ILDR1: variants seen among roughly 807,000 people sequenced by gnomAD.
The protein encoded by ILDR1 is immunoglobulin like domain containing receptor 1.
In ILDR1, 56 loss-of-function variants were observed where a neutral mutation model predicts 62.4. The observed-to-expected ratio is 0.90, with a 90% CI of 0.72 to 1.12. The LOEUF (loss-of-function observed/expected upper bound fraction) is 1.12, where lower values mean the gene tolerates loss of function less well. Among genes scored for constraint, ILDR1 ranks in the 50% most tolerant of loss-of-function variants. The pLI, the probability that ILDR1 is intolerant of heterozygous loss-of-function variation, is 0.00. For synonymous variants in ILDR1, 284 were observed against 277.8 expected, an observed-to-expected ratio of 1.02 and a Z score of -0.22; for missense variants, 736 against 710.6, an observed-to-expected ratio of 1.04 and a Z score of -0.41.
At chr3:122,043,341 A>G in the ILDR1 span, among the ~76,000 whole-genome samples, 3 of 149,230 alleles carry the variant, frequency 2.0e-5, no homozygotes, top group Admixed American at 2.0e-4. Context: ...GTTTGAAGTC[A>G]GGTAGTGTGA....
At chr3:122,030,970 C>T in the ILDR1 span, among the ~76,000 whole-genome samples, 12 of 152,188 alleles carry the variant, frequency 7.9e-5, no homozygotes, top group Non-Finnish European at 1.8e-4. Context: ...CTAAATGGAA[C>T]ACTTTCTAAC....
At chr3:121,990,955 A>T (rs1182079091) in intron 7 of ILDR1, among the ~76,000 whole-genome samples, 2 of 152,202 alleles carry the variant, frequency 1.3e-5, no homozygotes, top group Non-Finnish European at 2.9e-5. Flanking sequence ...TAATCCCAGC[A>T]CTTTGGGAGG....
chr3:122,059,535 C>CAAAAAAAAA, the ILDR1 span, among the ~76,000 whole-genome samples: 1 of 67,960 alleles, frequency 1.5e-5, no homozygotes, highest in African/African-American at 6.0e-5. Flanking sequence ...GACTCCGTCT[C>CAAAAAAAAA]AAAAAAAAAA....
chr3:122,018,113 T>A (rs1005572802), intron 1 of ILDR1, among the ~76,000 whole-genome samples: 2 of 152,084 alleles, frequency 1.3e-5, no homozygotes, highest in Non-Finnish European at 2.9e-5. Flanking sequence ...TGCAGCACTA[T>A]TCACAAGAGC....
intron 1 of ILDR1, among the ~76,000 whole-genome samples, chr3:122,017,251 G>A (rs1435384608): frequency 6.6e-6 from 1 of 152,120 alleles, no homozygotes; most frequent in South Asian, 2.1e-4. Context: ...GTTTCGCCAT[G>A]TTGGCCAGGC....
intron 1 of ILDR1, among the ~76,000 whole-genome samples, chr3:122,015,070 G>A (rs1274817191): frequency 2.6e-5 from 4 of 152,234 alleles, no homozygotes; most frequent in African/African-American, 7.2e-5. Flanking sequence ...GCTCCTGGTA[G>A]GAGAGTCAAT....
At chr3:122,053,266 A>C in the ILDR1 span, among the ~76,000 whole-genome samples, 5 of 152,172 alleles carry the variant, frequency 3.3e-5, no homozygotes, top group Non-Finnish European at 5.9e-5. Context: ...TCCTTGAAGA[A>C]ATGTCTGTTC....
At chr3:121,996,388 C>A (rs2071435806) in intron 5 of ILDR1, among the ~76,000 whole-genome samples, 1 of 152,154 alleles carries the variant, frequency 6.6e-6, no homozygotes, top group Admixed American at 6.5e-5. Context: ...GCTGCCACAC[C>A]ATTTTTCCAG....
the ILDR1 span, among the ~76,000 whole-genome samples, chr3:122,028,876 C>G: frequency 6.6e-6 from 1 of 152,138 alleles, no homozygotes; most frequent in African/African-American, 2.4e-5. Context: ...ATCCTAGGAC[C>G]CTGTAATTTC....
At chr3:122,005,215 A>AC in intron 3 of ILDR1, 29 bp downstream of exon 3, 6 of 426,376 alleles carry the variant, frequency 1.4e-5, no homozygotes, top group South Asian at 2.6e-5. Flanking sequence ...CCCCACCCCC[A>AC]GTTCCCCTGA....
intron 1 of ILDR1, among the ~76,000 whole-genome samples, chr3:122,018,770 G>T (rs974172962): frequency 1.3e-5 from 2 of 152,252 alleles, no homozygotes; most frequent in South Asian, 4.1e-4. Context: ...TGGGATTCTG[G>T]GGAGGTATTC....
At chr3:122,007,326 G>T in intron 1 of ILDR1, 165 bp from the exon 2 acceptor site, 2 of 1,512,140 alleles carry the variant, frequency 1.3e-6, no homozygotes, top group Admixed American at 2.0e-5. Flanking sequence ...CTATGGGTGG[G>T]GTGGGGTGAG....
the ILDR1 span, among the ~76,000 whole-genome samples, chr3:122,034,332 C>T: frequency 6.6e-6 from 1 of 152,118 alleles, no homozygotes; most frequent in East Asian, 1.9e-4. Flanking sequence ...ATGTAGAGAG[C>T]TAGAAAGAGA....
At chr3:122,035,445 A>C in the ILDR1 span, among the ~76,000 whole-genome samples, 272 of 151,984 alleles carry the variant, frequency 1.8e-3, no homozygotes, top group African/African-American at 4.3e-3. Context: ...CCTTTTCCCC[A>C]AAAAAAAGAC....
At chr3:122,036,959 G>T in the ILDR1 span, among the ~76,000 whole-genome samples, 1 of 152,238 alleles carries the variant, frequency 6.6e-6, no homozygotes, top group African/African-American at 2.4e-5. Context: ...CATGGCTTCA[G>T]AGGGTGCAAG....
At chr3:122,050,592 G>A in the ILDR1 span, among the ~76,000 whole-genome samples, 1 of 138,972 alleles carries the variant, frequency 7.2e-6, no homozygotes, top group Non-Finnish European at 1.5e-5. Context: ...TTTTAATAAT[G>A]TACAGCCATT....
chr3:122,058,850 C>A, the ILDR1 span, among the ~76,000 whole-genome samples: 1 of 151,882 alleles, frequency 6.6e-6, no homozygotes, highest in Non-Finnish European at 1.5e-5. Context: ...GGAGAAATGG[C>A]GAGGGCATGA....
At chr3:122,032,426 A>C in the ILDR1 span, among the ~76,000 whole-genome samples, 1 of 152,254 alleles carries the variant, frequency 6.6e-6, no homozygotes, top group African/African-American at 2.4e-5. Context: ...TGCTATAAAC[A>C]TTCTTTGACA....
At chr3:122,035,922 G>C in the ILDR1 span, among the ~76,000 whole-genome samples, 1 of 152,214 alleles carries the variant, frequency 6.6e-6, no homozygotes, top group South Asian at 2.1e-4. Context: ...GAACAGTTTG[G>C]AGGGCTCAGA....
Sources: allele counts gnomAD v4.1 joint callset (sites outside exome capture counted in the v4.1 genomes callset), GRCh38; gene constraint gnomAD v4.1.1; transcripts MANE v1.5; gene names NCBI Gene and HGNC (gene_info 2026-07-23, HGNC 2026-07-21).